LMF1: variants seen among roughly 807,000 people sequenced by gnomAD.
LMF1 encodes lipase maturation factor 1, also known as transmembrane protein 112.
LMF1 carries 68 observed loss-of-function variants against 60.6 expected under a neutral mutation model. That is an observed-to-expected ratio of 1.12 (90% CI 0.92 to 1.37). LMF1 has a LOEUF of 1.37. Ranked by LOEUF, LMF1 falls within the 40% of genes most tolerant of loss-of-function variation. The probability of loss-of-function intolerance (pLI) is 0.00; values close to 1 mark genes in which losing one functional copy is unlikely to be tolerated. For synonymous variants in LMF1, 418 were observed against 324.7 expected, an observed-to-expected ratio of 1.29 and a Z score of -3.09; for missense variants, 948 against 767.2, an observed-to-expected ratio of 1.24 and a Z score of -2.78.
At chr16:931,609 A>C (rs1311227941) in intron 3 of LMF1, 14 of 1,282,266 alleles carry the variant, frequency 1.1e-5, no homozygotes, top group Middle Eastern at 3.3e-4. Flanking sequence ...CCTTTGGTCT[A>C]GGTGTTCTGA....
chr16:940,316 A>G (rs4984725), intron 2 of LMF1, among the ~76,000 whole-genome samples: 72,164 of 151,818 alleles, frequency 0.48, 18,782 homozygotes, highest in African/African-American at 0.69. Context: ...GAATGCCGCC[A>G]TGCATCTCTC....
intron 5 of LMF1, among the ~76,000 whole-genome samples, chr16:885,540 C>T (rs757808517): frequency 2.6e-5 from 4 of 152,114 alleles, no homozygotes; most frequent in African/African-American, 7.2e-5. Flanking sequence ...AGGTAAAGGA[C>T]GGAAAAACAT....
At chr16:919,996 G>C (rs2071390282) in intron 3 of LMF1, among the ~76,000 whole-genome samples, 1 of 152,160 alleles carries the variant, frequency 6.6e-6, no homozygotes, top group Non-Finnish European at 1.5e-5. Context: ...ATCCACACTG[G>C]CCCCAGCCTG....
chr16:932,085 C>T (rs1303233892), intron 3 of LMF1, among the ~76,000 whole-genome samples: 1 of 152,196 alleles, frequency 6.6e-6, no homozygotes, highest in African/African-American at 2.4e-5. Context: ...TGGTTGGGGA[C>T]GCGGGAGGCT....
chr16:978,010 CA>C (rs2073210383), intron 1 of LMF1, among the ~76,000 whole-genome samples: 2 of 136,426 alleles, frequency 1.5e-5, no homozygotes, highest in African/African-American at 6.0e-5. Flanking sequence ...ACACACCACA[CA>C]CACACATCAT....
chr16:869,446 C>T (rs754044998), intron 9 of LMF1: 20 of 544,974 alleles, frequency 3.7e-5, no homozygotes, highest in South Asian at 1.2e-4. Context: ...CTTTCCTGTT[C>T]GCTGAGACAG....
chr16:867,848 C>T (rs1596853957), intron 10 of LMF1, among the ~76,000 whole-genome samples: 1 of 152,168 alleles, frequency 6.6e-6, no homozygotes, highest in African/African-American at 2.4e-5. Context: ...CCTGCCTGGG[C>T]TGCCAGACTC....
rs1260407105 is a variant in LMF1, at chr16:878,649, C to T, written c.897+921G>A. ...CGGCCAACAACCATGGGCGCCCCCACGTGCACCAACGTGGCGTGGCACCCG... is the reference window on the plus strand; with the variant it reads ...CGGCCAACAACCATGGGCGCCCCCATGTGCACCAACGTGGCGTGGCACCCG... On this transcript the variant is annotated intron_variant, in intron 6 of 10. Coordinates refer to ENST00000262301, the MANE Select transcript of LMF1 (RefSeq NM_022773.4). This position sits in a 1 kb window ranked among gnomAD's most constrained non-coding sequence, Gnocchi z 5.2. 7.3e-5 allele frequency among the ~76,000 whole-genome samples: 11 copies of T among 151,302 alleles called. No individual in the cohort carries two copies. The highest frequency in any genetic ancestry group is 1.3e-4 in the Admixed American group (2 of 15,214).
At chr16:934,418 C>A (rs1259297689) in intron 2 of LMF1, 164 bp from the exon 3 acceptor site, 6 of 784,370 alleles carry the variant, frequency 7.6e-6, no homozygotes, top group Non-Finnish European at 1.0e-5. Context: ...GAACAGGAGC[C>A]CCTCCCCACG....
At position 869,880 on chromosome 16, in the gene LMF1, C is replaced by T. The variant is rs777145488; in HGVS notation, c.1416+3G>A. On this transcript the variant is annotated splice_donor_region_variant and intron_variant, in intron 9 of 10. Coordinates refer to ENST00000262301, the MANE Select transcript of LMF1 (RefSeq NM_022773.4). Reference sequence around the variant, plus strand: ...CATGCGCCCGCCAGGGACCGTCCCCCACCTGGAAGGCCGCGAACCACATCA... The same window carrying T: ...CATGCGCCCGCCAGGGACCGTCCCCTACCTGGAAGGCCGCGAACCACATCA... 5 of 1,610,942 alleles carry T rather than the reference C, an allele frequency of 3.1e-6. No individual in the cohort carries two copies. The East Asian group carries it at 1.1e-4, about 36-fold the overall frequency.
chr16:975,461 G>A (rs545230442), upstream of LMF1, among the ~76,000 whole-genome samples: 4 of 152,314 alleles, frequency 2.6e-5, no homozygotes, highest in South Asian at 2.1e-4. Context: ...AGCGGTCACC[G>A]ACGGCCACAT....
intron 3 of LMF1, among the ~76,000 whole-genome samples, chr16:915,574 C>G (rs1223841356): frequency 6.6e-6 from 1 of 151,782 alleles, no homozygotes; most frequent in African/African-American, 2.4e-5. Context: ...GGCGGCTGCT[C>G]TGGGCTGGGC....
At chr16:915,034 C>A (rs1161235731) in intron 3 of LMF1, among the ~76,000 whole-genome samples, 1 of 152,248 alleles carries the variant, frequency 6.6e-6, no homozygotes, top group Admixed American at 6.5e-5. Context: ...GAGGGGCATC[C>A]CCCGAGGCCT....
intron 5 of LMF1, among the ~76,000 whole-genome samples, chr16:880,495 G>C (rs1282242227): frequency 6.6e-6 from 1 of 152,188 alleles, no homozygotes; most frequent in Admixed American, 6.5e-5. Flanking sequence ...AACTTATCAA[G>C]ACCCCATTTC....
intron 2 of LMF1, among the ~76,000 whole-genome samples, chr16:940,518 C>T (rs2072073633): frequency 6.6e-6 from 1 of 152,182 alleles, no homozygotes; most frequent in African/African-American, 2.4e-5. Flanking sequence ...AGAGGAACAC[C>T]ATTTATTTAA....
chr16:863,401 C>A (rs2069525069), intron 10 of LMF1, among the ~76,000 whole-genome samples: 1 of 152,192 alleles, frequency 6.6e-6, no homozygotes, highest in Non-Finnish European at 1.5e-5. Flanking sequence ...CTTGGCCTCC[C>A]AAAGTGCGGT....
intron 5 of LMF1, chr16:883,775 C>T (rs892756062): frequency 6.6e-6 from 1 of 152,176 alleles, no homozygotes; most frequent in Non-Finnish European, 1.5e-5. Flanking sequence ...GAAAACAACA[C>T]CAGATAACCA....
At chr16:973,882 C>T (rs12448019), upstream of LMF1, among the ~76,000 whole-genome samples, 34,074 of 151,692 alleles carry the variant, frequency 0.22, 4,383 homozygotes, top group African/African-American at 0.35. Flanking sequence ...TGGTGGCGGG[C>T]GCCTGTAGTC....
chr16:865,419 C>T (rs369203467), intron 10 of LMF1, among the ~76,000 whole-genome samples: 30 of 151,830 alleles, frequency 2.0e-4, no homozygotes, highest in Admixed American at 6.6e-4. Context: ...GGTGTGATCT[C>T]GGCTCACTGC....
Sources: gnomAD v4.1 joint callset for allele counts (sites outside exome capture counted in the v4.1 genomes callset) on GRCh38, gnomAD v4.1.1 for gene constraint, Gnocchi (gnomAD v3.1) non-coding constraint, MANE v1.5 for transcripts, NCBI Gene and HGNC (gene_info 2026-07-23, HGNC 2026-07-21) for gene names.